The following ZC3H12B variants were observed in gnomAD, a reference collection of about 807,000 sequenced individuals.
The protein encoded by ZC3H12B is probable ribonuclease ZC3H12B.
Under a neutral mutation model 43.9 loss-of-function variants are expected in ZC3H12B, and 7 were observed. The ratio of observed to expected loss-of-function variants is 0.16; its 90% CI spans 0.09 to 0.30. The LOEUF (loss-of-function observed/expected upper bound fraction) is 0.30, where lower values mean the gene tolerates loss of function less well. Ranked by LOEUF, ZC3H12B falls within the 10% of genes least tolerant of loss-of-function variation. The probability of loss-of-function intolerance (pLI) is 1.00; values close to 1 mark genes in which losing one functional copy is unlikely to be tolerated. For synonymous variants in ZC3H12B, 222 were observed against 241.7 expected, an observed-to-expected ratio of 0.92 and a Z score of 0.76; for missense variants, 475 against 670.2, an observed-to-expected ratio of 0.71 and a Z score of 3.22.
the ZC3H12B span, among the ~76,000 whole-genome samples, chrX:65,047,277 A>G: frequency 8.9e-6 from 1 of 111,754 alleles, no homozygotes; most frequent in Non-Finnish European, 1.9e-5. Context: ...ATGAAGATTC[A>G]TAGAAAGTTG....
chrX:65,266,552 G>T, the ZC3H12B span, among the ~76,000 whole-genome samples: 1 of 111,770 alleles, frequency 8.9e-6, no homozygotes, highest in African/African-American at 3.2e-5. Context: ...CCAAAAAGAG[G>T]CTTGAATAAA....
the ZC3H12B span, among the ~76,000 whole-genome samples, chrX:65,167,377 G>T: frequency 9.0e-6 from 1 of 110,558 alleles, no homozygotes; most frequent in African/African-American, 3.3e-5. Flanking sequence ...ATTTCTGAGG[G>T]CTCTGTTCTG....
chrX:65,351,113 C>G, the ZC3H12B span, among the ~76,000 whole-genome samples: 1 of 111,526 alleles, frequency 9.0e-6, no homozygotes, highest in African/African-American at 3.3e-5. Context: ...GGTACTGGTA[C>G]CAAAACAGAT....
the ZC3H12B span, among the ~76,000 whole-genome samples, chrX:65,165,194 C>A: frequency 8.9e-6 from 1 of 112,017 alleles, no homozygotes; most frequent in Non-Finnish European, 1.9e-5. Context: ...TTACTTCCTT[C>A]TTTTATATTG....
the ZC3H12B span, among the ~76,000 whole-genome samples, chrX:65,254,107 G>A: frequency 1.8e-5 from 2 of 111,832 alleles, no homozygotes; most frequent in African/African-American, 6.5e-5. Flanking sequence ...CACACGAATG[G>A]AGACCTCCAT....
the ZC3H12B span, among the ~76,000 whole-genome samples, chrX:65,089,224 T>C: frequency 1.8e-5 from 2 of 111,519 alleles, no homozygotes; most frequent in Admixed American, 9.6e-5. Flanking sequence ...CATCATAGAA[T>C]GTACTTACGC....
the ZC3H12B span, among the ~76,000 whole-genome samples, chrX:65,244,645 G>T: frequency 1.0e-5 from 1 of 95,600 alleles, no homozygotes; most frequent in Non-Finnish European, 2.0e-5. Context: ...CAGGAGAATT[G>T]CTTGAGCCTG....
chrX:65,459,515 A>G (rs1401832445), intron 3 of ZC3H12B, among the ~76,000 whole-genome samples: 2 of 111,925 alleles, frequency 1.8e-5, no homozygotes, highest in East Asian at 5.6e-4. Context: ...CACCATGATC[A>G]AGTGGGCTTC....
the ZC3H12B span, among the ~76,000 whole-genome samples, chrX:65,073,191 C>T: frequency 1.8e-5 from 2 of 112,780 alleles, no homozygotes; most frequent in Non-Finnish European, 1.9e-5. Flanking sequence ...TACATACACA[C>T]ACACACACGC....
At chrX:65,192,578 T>A in the ZC3H12B span, among the ~76,000 whole-genome samples, 2 of 111,677 alleles carry the variant, frequency 1.8e-5, no homozygotes, top group South Asian at 7.6e-4. Flanking sequence ...TATTATCAAA[T>A]GCTTTATCAG....
chrX:65,164,645 C>A, the ZC3H12B span, among the ~76,000 whole-genome samples: 1 of 111,729 alleles, frequency 9.0e-6, no homozygotes, highest in Non-Finnish European at 1.9e-5. Flanking sequence ...GAGCAAGGAC[C>A]GCTTATAAGG....
chrX:65,169,275 C>T, the ZC3H12B span, among the ~76,000 whole-genome samples: 312 of 111,929 alleles, frequency 2.8e-3, 3 homozygotes, highest in African/African-American at 9.7e-3. Flanking sequence ...TTATTTCTGC[C>T]TTCATTTGAT....
At chrX:65,430,814 T>C in intron 3 of ZC3H12B, among the ~76,000 whole-genome samples, 1 of 110,917 alleles carries the variant, frequency 9.0e-6, no homozygotes, top group Non-Finnish European at 1.9e-5. Flanking sequence ...AGGATGGGGG[T>C]TCACTTGGCT....
chrX:65,153,415 C>T, the ZC3H12B span, among the ~76,000 whole-genome samples: 17 of 111,864 alleles, frequency 1.5e-4, no homozygotes, highest in East Asian at 2.8e-4. Context: ...AAAAAGTGGG[C>T]GAAAGACATG....
At chrX:65,299,527 A>G in the ZC3H12B span, among the ~76,000 whole-genome samples, 1 of 112,425 alleles carries the variant, frequency 8.9e-6, no homozygotes, top group East Asian at 2.8e-4. Context: ...GCCTGAATAG[A>G]CAGAAAGAGG....
the ZC3H12B span, among the ~76,000 whole-genome samples, chrX:65,105,482 A>G: frequency 9.0e-6 from 1 of 111,592 alleles, no homozygotes; most frequent in Non-Finnish European, 1.9e-5. Context: ...GTGCTGGGAT[A>G]GAGTGCCCAG....
chrX:65,496,086 C>A (rs1328978935), intron 1 of ZC3H12B, among the ~76,000 whole-genome samples: 1 of 111,715 alleles, frequency 9.0e-6, no homozygotes, highest in Non-Finnish European at 1.9e-5. Flanking sequence ...CACAGAACAA[C>A]AATATTTATT....
At chrX:65,214,532 G>T in the ZC3H12B span, among the ~76,000 whole-genome samples, 1 of 111,478 alleles carries the variant, frequency 9.0e-6, no homozygotes, top group Non-Finnish European at 1.9e-5. Context: ...ATGTTCATCC[G>T]TTTTACCATG....
chrX:65,354,911 G>GAA, the ZC3H12B span, among the ~76,000 whole-genome samples: 1 of 111,116 alleles, frequency 9.0e-6, no homozygotes, highest in African/African-American at 3.3e-5. Flanking sequence ...CAAGATTAGA[G>GAA]AAAAAAAATG....
Sources: gnomAD v4.1 joint callset for allele counts (sites outside exome capture counted in the v4.1 genomes callset) on GRCh38, gnomAD v4.1.1 for gene constraint, MANE v1.5 for transcripts, NCBI Gene and HGNC (gene_info 2026-07-23, HGNC 2026-07-21) for gene names.